ABI3BP: variants seen among roughly 807,000 people sequenced by gnomAD.
ABI3BP encodes the protein ABI family member 3 binding protein, also known as target of Nesh-SH3.
A neutral mutation model predicts 268.6 loss-of-function variants in ABI3BP; 216 were observed. The observed-to-expected ratio is 0.80, with a 90% CI of 0.72 to 0.90. The LOEUF is 0.90. Ranked by LOEUF, ABI3BP falls within the 40% of genes least tolerant of loss-of-function variation. The pLI, the probability that ABI3BP is intolerant of heterozygous loss-of-function variation, is 0.00. For synonymous variants in ABI3BP, 730 were observed against 730.0 expected (o/e 1.00, Z 0.00); for missense variants, 2,090 against 2,182.4 (o/e 0.96, Z 0.84).
At chr3:100,770,997 TGAA>T (rs1456087284) in intron 61 of ABI3BP, 45 bp from the exon 62 acceptor site, 2 of 1,422,606 alleles carry the variant, frequency 1.4e-6, no homozygotes, top group South Asian at 1.6e-5. Flanking sequence ...TTGAAACTCA[TGAA>T]GAAGATAGAA....
intron 62 of ABI3BP, among the ~76,000 whole-genome samples, chr3:100,767,587 TAA>T: frequency 6.9e-6 from 1 of 144,056 alleles, no homozygotes; most frequent in African/African-American, 2.6e-5. Flanking sequence ...AAAATGCAAG[TAA>T]AATTGATTAA....
At chr3:100,844,514 G>A (rs1387467712) in intron 20 of ABI3BP, 1 of 951,888 alleles carries the variant, frequency 1.1e-6, no homozygotes, top group Non-Finnish European at 1.3e-6. Flanking sequence ...ATAGAAGAGT[G>A]TGCGGAGAGG....
intron 54 of ABI3BP, among the ~76,000 whole-genome samples, chr3:100,794,536 C>A (rs2097287872): frequency 6.6e-6 from 1 of 151,672 alleles, no homozygotes; most frequent in Non-Finnish European, 1.5e-5. Flanking sequence ...TAACAGTGCA[C>A]CCAGTAAAGG....
chr3:100,915,125 G>A lies in ABI3BP; in HGVS notation c.259+11177C>T, dbSNP rs1024797062. On this transcript the variant is annotated intron_variant, in intron 2 of 67. Transcript: ENST00000471714. ...ATTTAATATTGCACTGTACAGGTGG[G>A]TGCAGACCCTCAGCCCACTCTCTTC... Among the ~76,000 whole-genome samples the A allele has an allele frequency of 2.6e-5, 4 of 152,220 alleles. No homozygotes were observed. In the South Asian group the frequency reaches 8.3e-4, roughly 32 times the overall value.
intron 2 of ABI3BP, among the ~76,000 whole-genome samples, chr3:100,918,462 G>A (rs1171414585): frequency 2.6e-5 from 4 of 152,062 alleles, no homozygotes; most frequent in East Asian, 3.9e-4. Flanking sequence ...TGGGTGAAGT[G>A]TAGAGGCAGA....
chr3:100,991,224 C>A (rs1286464353), intron 1 of ABI3BP, among the ~76,000 whole-genome samples: 1 of 152,146 alleles, frequency 6.6e-6, no homozygotes, highest in Non-Finnish European at 1.5e-5. Flanking sequence ...AGAATTCTAA[C>A]CACTTCTTAA....
chr3:100,885,552 T>C lies in ABI3BP; in HGVS notation c.680A>G (p.Asp227Gly), dbSNP rs1045608616. 1.2e-5 allele frequency: 19 copies of C among 1,561,356 alleles called. No individual in the cohort carries two copies. The highest frequency in any genetic ancestry group is 1.5e-5 in the Non-Finnish European group (17 of 1,149,808). Residue 227 changes from aspartate to glycine, a missense_variant, in exon 6 of 68, where the codon GAC (aspartate) becomes GGC (glycine). By Grantham distance (94) the Asp-to-Gly change is moderately conservative. Transcript: ENST00000471714. ...GTTACATACCACTGTGTGGTCTTGG[T>C]CATAGGTACTTTGGATTTTCCCATT... is the stretch of plus-strand genomic sequence containing the variant. ...KVNGKIQSTY[D>G]QDHTVPAYVP...
chr3:100,906,405 T>C (rs1044155888), intron 2 of ABI3BP, among the ~76,000 whole-genome samples: 3 of 152,304 alleles, frequency 2.0e-5, no homozygotes, highest in Non-Finnish European at 4.4e-5. Flanking sequence ...CATACACATA[T>C]TTTGGGAGTA....
At chr3:100,765,114 A>AAAAC (rs2096211856) in intron 63 of ABI3BP, among the ~76,000 whole-genome samples, 1 of 151,890 alleles carries the variant, frequency 6.6e-6, no homozygotes, top group African/African-American at 2.4e-5. Context: ...ATGAAAAAAA[A>AAAAC]AAAAAACTTG....
At chr3:100,901,299 T>C (rs967027383) in intron 3 of ABI3BP, among the ~76,000 whole-genome samples, 1 of 152,218 alleles carries the variant, frequency 6.6e-6, no homozygotes, top group African/African-American at 2.4e-5. Context: ...AACTAATTTC[T>C]GATTTAAGCT....
intron 6 of ABI3BP, among the ~76,000 whole-genome samples, chr3:100,877,831 A>T (rs925752461): frequency 6.6e-6 from 1 of 152,226 alleles, no homozygotes; most frequent in Non-Finnish European, 1.5e-5. Context: ...TGTTTACATG[A>T]TTACCAAATC....
In ABI3BP at chr3:100,796,487, A is replaced by G; in HGVS notation, c.3758-19T>C. On this transcript the variant is annotated intron_variant, in intron 51 of 67. Coordinates refer to ENST00000471714, the MANE Select transcript of ABI3BP (RefSeq NM_001375547.2). The stretch of plus-strand genomic sequence containing the variant: ...TTTGGAGCTGAAAGAAAAAGATTAT[A>G]AAACACTGCATACTCTAAATAACCC... The G allele has an allele frequency of 1.3e-6, 2 of 1,586,292 alleles. No homozygotes were observed. The highest frequency in any genetic ancestry group is 1.7e-6 in the Non-Finnish European group (2 of 1,161,846).
rs553528557 is a variant in ABI3BP at position 100,884,285 on chromosome 3, C to T, written c.696+1251G>A. 7.3e-5 allele frequency among the ~76,000 whole-genome samples: 11 copies of T among 150,510 alleles called. No homozygotes were observed. The South Asian group carries it at 1.7e-3, about 23-fold the overall frequency. On this transcript the variant is annotated intron_variant, in intron 6 of 67. Coordinates refer to ENST00000471714, the MANE Select transcript of ABI3BP (RefSeq NM_001375547.2). ...AACAGACAAGTTAAAAAAAAGAGAG[C>T]GAGAAAAAAAAACAGGCCTAGGAAT...
At chr3:100,930,863 A>G (rs1048507627) in intron 1 of ABI3BP, 4 of 152,116 alleles carry the variant, frequency 2.6e-5, no homozygotes, top group African/African-American at 9.7e-5. Context: ...TCATTCTAAT[A>G]CCAAAACCTG....
chr3:100,872,525 C>T (rs2099119546), intron 9 of ABI3BP, among the ~76,000 whole-genome samples: 1 of 152,150 alleles, frequency 6.6e-6, no homozygotes, highest in African/African-American at 2.4e-5. Flanking sequence ...TTTTCAGTCC[C>T]CTTCACAAAC....
At chr3:100,845,638 G>GTGACAAGATA (rs200598761) in intron 20 of ABI3BP, among the ~76,000 whole-genome samples, 7,340 of 152,088 alleles carry the variant, frequency 0.048, 218 homozygotes, top group Non-Finnish European at 0.052. Flanking sequence ...AGAGCTAAGG[G>GTGACAAGATA]TTTAAAATTT....
intron 6 of ABI3BP, among the ~76,000 whole-genome samples, chr3:100,877,200 G>A (rs984059703): frequency 1.6e-4 from 24 of 151,990 alleles, no homozygotes; most frequent in African/African-American, 1.5e-4. Context: ...ATATGACACC[G>A]CCAAATTGTT....
At chr3:100,957,969 C>G (rs2077397757) in intron 1 of ABI3BP, among the ~76,000 whole-genome samples, 1 of 152,102 alleles carries the variant, frequency 6.6e-6, no homozygotes, top group Non-Finnish European at 1.5e-5. Flanking sequence ...AATGGCAAAA[C>G]AAGTGACACT....
intron 59 of ABI3BP, among the ~76,000 whole-genome samples, 193 bp from the exon 60 acceptor site, chr3:100,775,528 T>C (rs568278710): frequency 2.0e-4 from 31 of 152,148 alleles, no homozygotes; most frequent in African/African-American, 2.7e-4. Flanking sequence ...AGCATTATTA[T>C]AGACATTGTG....
Sources: allele counts gnomAD v4.1 joint callset (sites outside exome capture counted in the v4.1 genomes callset), GRCh38; gene constraint gnomAD v4.1.1; transcripts MANE v1.5; gene names NCBI Gene and HGNC (gene_info 2026-07-23, HGNC 2026-07-21).